The following PARN variants were observed in gnomAD, a reference collection of about 807,000 sequenced individuals.
The protein encoded by PARN is poly(A)-specific ribonuclease.
PARN carries 71 observed loss-of-function variants against 102.8 expected under a neutral mutation model. That is an observed-to-expected ratio of 0.69 (90% confidence interval 0.57 to 0.84). PARN has a LOEUF of 0.84. Ranked by LOEUF, PARN falls within the 40% of genes least tolerant of loss-of-function variation. The pLI is 0.00. For synonymous variants in PARN, 261 were observed against 252.9 expected, an observed-to-expected ratio of 1.03 and a Z score of -0.30; for missense variants, 782 against 760.9, an observed-to-expected ratio of 1.03 and a Z score of -0.33.
At chr16:14,463,359 A>G (rs1388092289) in intron 22 of PARN, among the ~76,000 whole-genome samples, 1 of 152,160 alleles carries the variant, frequency 6.6e-6, no homozygotes, top group Non-Finnish European at 1.5e-5. Flanking sequence ...GGTAAAATTT[A>G]TAATATAAAG....
chr16:14,438,600 T>G (rs1351165455), intron 23 of PARN, among the ~76,000 whole-genome samples: 1 of 152,222 alleles, frequency 6.6e-6, no homozygotes, highest in Non-Finnish European at 1.5e-5. Context: ...CAGGTCTCAC[T>G]GCTTCGTCTA....
intron 5 of PARN, among the ~76,000 whole-genome samples, chr16:14,622,331 A>T (rs1310634531): frequency 6.6e-6 from 1 of 152,250 alleles, no homozygotes; most frequent in Non-Finnish European, 1.5e-5. Context: ...AAAAATTCTT[A>T]CACATACAAA....
In PARN at chr16:14,509,336, G is replaced by A. The variant is rs146890062; in HGVS notation, c.1481-26509C>T. Among the ~76,000 whole-genome samples the A allele has an allele frequency of 7.7e-3, 1,172 of 152,284 alleles. 13 individuals are homozygous for A. The highest frequency in any genetic ancestry group is 0.012 in the Non-Finnish European group (802 of 68,020). On this transcript the variant is annotated intron_variant, in intron 21 of 23. Coordinates refer to ENST00000437198, the MANE Select transcript of PARN (RefSeq NM_002582.4). The stretch of plus-strand genomic sequence containing the variant: ...AGCTGGCCCTGCTGGCTCACAGAAA[G>A]AACAAACAGCGCACTTAGGAGCTAC...
At chr16:14,570,321 C>CAAAAAAAAAAAA (rs59965954) in intron 18 of PARN, among the ~76,000 whole-genome samples, 7 of 63,068 alleles carry the variant, frequency 1.1e-4, no homozygotes, top group Non-Finnish European at 1.3e-4. Flanking sequence ...GACTCTGTCT[C>CAAAAAAAAAAAA]AAAAAAAAAA....
chr16:14,595,264 A>ACTT lies in PARN; in HGVS notation c.841-1887_841-1886insAAG, dbSNP rs1460695397. Among the ~76,000 whole-genome samples the ACTT allele has an allele frequency of 1.5e-3, 226 of 152,340 alleles. 2 individuals are homozygous for ACTT. The highest frequency in any genetic ancestry group is 2.1e-3 in the Non-Finnish European group (141 of 68,026). On this transcript the variant is annotated intron_variant, in intron 12 of 23. Transcript: ENST00000437198. ...GTTGAGAAAGAAGGCACAAATAAGA[A>ACTT]AAGAGAGGAAGCTAAAAATAAGTCA...
At chr16:14,447,333 C>T (rs1401897305) in intron 22 of PARN, among the ~76,000 whole-genome samples, 1 of 152,114 alleles carries the variant, frequency 6.6e-6, no homozygotes, top group Non-Finnish European at 1.5e-5. Context: ...TTAAGCTGAT[C>T]CGAGTGCTCA....
intron 21 of PARN, among the ~76,000 whole-genome samples, chr16:14,530,271 C>T (rs1051603803): frequency 2.0e-5 from 3 of 152,170 alleles, no homozygotes; most frequent in African/African-American, 7.2e-5. Context: ...GAATCCCAAG[C>T]CCCAGGCTAC....
intron 21 of PARN, among the ~76,000 whole-genome samples, chr16:14,545,581 A>G (rs1966887181): frequency 6.6e-6 from 1 of 152,252 alleles, no homozygotes; most frequent in Non-Finnish European, 1.5e-5. Context: ...AAATGGTTCA[A>G]GTCAATGACT....
At chr16:14,503,872 T>G (rs1325597616) in intron 21 of PARN, among the ~76,000 whole-genome samples, 1 of 152,216 alleles carries the variant, frequency 6.6e-6, no homozygotes, top group East Asian at 1.9e-4. Flanking sequence ...GATGTTTCAA[T>G]CATACAATGC....
At chr16:14,621,725 G>A (rs555030000) in intron 5 of PARN, among the ~76,000 whole-genome samples, 1 of 151,394 alleles carries the variant, frequency 6.6e-6, no homozygotes, top group Non-Finnish European at 1.5e-5. Context: ...GCAGGAGAAT[G>A]GCGTGAACAC....
rs1317955775 is a variant in PARN at position 14,604,142 on chromosome 16, T to G, written c.783+4A>C. On this transcript the variant is annotated splice_donor_region_variant and intron_variant, in intron 11 of 23. Transcript: ENST00000437198. ...CCCCCCAAGAATTAACATAGCCCAA[T>G]TACCTGTTCTTTGGCATGTTTCTGC... The G allele has an allele frequency of 6.3e-7, 1 of 1,575,384 alleles. No homozygotes were observed. Among genetic ancestry groups the G allele is most frequent in the Admixed American group, 1.7e-5 (1 of 57,226 alleles).
intron 22 of PARN, among the ~76,000 whole-genome samples, chr16:14,458,847 G>A (rs558443560): frequency 4.6e-5 from 7 of 152,276 alleles, no homozygotes; most frequent in South Asian, 4.1e-4. Flanking sequence ...AGCGATCTCC[G>A]CAGGCTCAGC....
At chr16:14,619,814 G>A (rs1365156471) in intron 5 of PARN, among the ~76,000 whole-genome samples, 2 of 152,044 alleles carry the variant, frequency 1.3e-5, no homozygotes, top group Admixed American at 1.3e-4. Context: ...GCTCATGCCT[G>A]TAATCCCAGC....
chr16:14,562,665 A>G (rs80278638), intron 18 of PARN, among the ~76,000 whole-genome samples: 1 of 151,652 alleles, frequency 6.6e-6, no homozygotes, highest in African/African-American at 2.4e-5. Context: ...AAAAAAAAAA[A>G]TTACTCAAAC....
At chr16:14,473,946 T>C (rs1962896654) in intron 22 of PARN, among the ~76,000 whole-genome samples, 1 of 152,174 alleles carries the variant, frequency 6.6e-6, no homozygotes, top group Admixed American at 6.5e-5. Context: ...ACTTCTAGTA[T>C]ATAGCTGGTA....
intron 21 of PARN, among the ~76,000 whole-genome samples, chr16:14,529,101 C>T (rs1966173487): frequency 6.6e-6 from 1 of 152,174 alleles, no homozygotes; most frequent in African/African-American, 2.4e-5. Flanking sequence ...ACCGTGAGTG[C>T]AAAGGTGGCC....
chr16:14,544,027 T>C (rs1161619956), intron 21 of PARN, among the ~76,000 whole-genome samples: 1 of 152,146 alleles, frequency 6.6e-6, no homozygotes, highest in Non-Finnish European at 1.5e-5. Context: ...AAACCGTCTC[T>C]ACTAAAAATA....
At chr16:14,620,635 T>A (rs1323533613) in intron 5 of PARN, among the ~76,000 whole-genome samples, 1 of 152,206 alleles carries the variant, frequency 6.6e-6, no homozygotes, top group Non-Finnish European at 1.5e-5. Context: ...ACAGTTCCAT[T>A]AAACTTATCA....
chr16:14,444,287 T>C (rs1377289849), intron 23 of PARN, among the ~76,000 whole-genome samples: 1 of 149,170 alleles, frequency 6.7e-6, no homozygotes, highest in Admixed American at 6.7e-5. Flanking sequence ...CAATTAAAAG[T>C]TGTCAAGATG....
Sources: allele counts gnomAD v4.1 joint callset (sites outside exome capture counted in the v4.1 genomes callset), GRCh38; gene constraint gnomAD v4.1.1; transcripts MANE v1.5; gene names NCBI Gene and HGNC (gene_info 2026-07-23, HGNC 2026-07-21).